The following KCNK6 variants were observed in gnomAD, a reference collection of about 807,000 sequenced individuals.
KCNK6 encodes the protein potassium two pore domain channel subfamily K member 6.
In KCNK6, 20 loss-of-function variants were observed where a neutral mutation model predicts 21.9. The observed-to-expected ratio is 0.91, with a 90% CI of 0.64 to 1.32. The LOEUF is 1.32. Among genes scored for constraint, KCNK6 ranks in the 40% most tolerant of loss-of-function variants. The pLI is 0.00. For synonymous variants in KCNK6, 210 were observed against 218.0 expected (o/e 0.96, Z 0.32); for missense variants, 415 against 433.1 (o/e 0.96, Z 0.37).
At position 38,327,336 on chromosome 19, in the gene KCNK6, C is replaced by T. The variant is rs1600427012; in HGVS notation, c.875C>T (p.Pro292Leu). The change falls in exon 3 of 3, where the codon CCC becomes CTC. Residue 292 changes from proline to leucine, a missense_variant. Transcript: ENST00000263372. ...DEDDRVDILG[P>L]QPESHQQLSA... ...GACGATCGGGTGGACATCCTGGGCC[C>T]CCAGCCGGAGTCGCACCAGCAACTC... 6.2e-7 allele frequency: 1 copy of T among 1,613,052 alleles called. No homozygotes were observed. Among genetic ancestry groups the T allele is most frequent in the Non-Finnish European group, 8.5e-7 (1 of 1,180,022 alleles).
rs138357652 is a variant in KCNK6 at position 38,326,767 on chromosome 19, G to C, written c.497G>C (p.Arg166Pro). Residue 166 changes from arginine to proline, a missense_variant, in exon 2 of 3, where the codon CGG becomes CCG. Physicochemically the swap from Arg to Pro is moderately radical, Grantham distance 103. Coordinates refer to ENST00000263372, the MANE Select transcript of KCNK6 (RefSeq NM_004823.3). The part of the protein sequence containing the change: ...WLSMRWGWDP[R>P]RAACWHLVAL... ...AGCATGCGTTGGGGCTGGGACCCCCGGCGGGCGGCCTGCTGGCACTTGGTG... is the reference window on the plus strand; with the variant it reads ...AGCATGCGTTGGGGCTGGGACCCCCCGCGGGCGGCCTGCTGGCACTTGGTG... The C allele has an allele frequency of 8.7e-5, 139 of 1,604,326 alleles. No individual in the cohort carries two copies. The African/African-American group carries it at 1.8e-3, about 20-fold the overall frequency.
rs112383488 is a variant in KCNK6 at position 38,329,238 on chromosome 19, A to AAAAG, written c.*1847_*1850dup. ...CAGCAAGACTCCGTCTCAAAAAAAA[A>AAAAG]AAAGAAAGAAAGAAAAGAAAAGAAG... is the stretch of plus-strand genomic sequence containing the variant. On this transcript the variant is annotated 3_prime_UTR_variant, in exon 3 of 3. Transcript: ENST00000263372. 0.16 allele frequency: 23,965 copies of AAAAG among 148,638 alleles called. 2,249 individuals are homozygous for AAAAG. Among genetic ancestry groups the AAAAG allele is most frequent in the South Asian group, 0.25 (1,179 of 4,706 alleles). The allele number at this position is 148,638 out of a possible 1,614,324, so 9.2% of individuals were successfully genotyped here. A position where few individuals can be genotyped will look rare whatever the true frequency, so the allele number is the denominator to read the frequency against.
rs1352441235 is a variant in KCNK6 at position 38,325,503 on chromosome 19, TG to T, written c.323-1089del. On this transcript the variant is annotated intron_variant, in intron 1 of 2. Transcript: ENST00000263372. ...CTTCATTCTTTGTTTTGAGAAGTAC[TG>T]ATCGAGCGCCCACAGCAGTGATGAA... 5 of 985,492 alleles carry T rather than the reference TG, an allele frequency of 5.1e-6. No homozygotes were observed. The East Asian group carries it at 5.7e-4, about 112-fold the overall frequency. The allele number at this position is 985,492 out of a possible 1,614,324, so 61.0% of individuals were successfully genotyped here.
intron 1 of KCNK6, among the ~76,000 whole-genome samples, chr19:38,321,452 A>G (rs1969651039): frequency 6.6e-6 from 1 of 152,222 alleles, no homozygotes; most frequent in Admixed American, 6.5e-5. Flanking sequence ...GGGACTCCCA[A>G]TTCAGCAGCC....
chr19:38,325,275 C>T, intron 1 of KCNK6: 3 of 315,436 alleles, frequency 9.5e-6, no homozygotes, highest in Non-Finnish European at 1.4e-5. Flanking sequence ...AGCCACCATG[C>T]CCGGCTAATT....
chr19:38,327,815 A>C lies in KCNK6; in HGVS notation c.*412A>C. 1 of 234,852 alleles carries C rather than the reference A, an allele frequency of 4.3e-6. No homozygotes were observed. The highest frequency in any genetic ancestry group is 8.6e-6 in the Non-Finnish European group (1 of 116,726). The allele number at this position is 234,852 out of a possible 1,614,324, so 14.5% of individuals were successfully genotyped here. On this transcript the variant is annotated 3_prime_UTR_variant, in exon 3 of 3. Coordinates refer to ENST00000263372, the MANE Select transcript of KCNK6 (RefSeq NM_004823.3). ...GCTCAGACCTCATTTCAGGCACCAG[A>C]TTGGTCGCTACACCCTGGACAAGTG...
rs1272220591 is a variant in KCNK6 at position 38,328,368 on chromosome 19, C to G, written c.*965C>G. 1 of 152,214 alleles carries G rather than the reference C, an allele frequency of 6.6e-6. No individual in the cohort carries two copies. Among genetic ancestry groups the G allele is most frequent in the Admixed American group, 6.5e-5 (1 of 15,276 alleles). The allele number at this position is 152,214 out of a possible 1,614,324, so 9.4% of individuals were successfully genotyped here. A position where few individuals can be genotyped will look rare whatever the true frequency, so the allele number is the denominator to read the frequency against. ...GATCTGAATGGCATGGGAGGTGCTG[C>G]CCTTAACCATGACACCATTGTAAGA... On this transcript the variant is annotated 3_prime_UTR_variant, in exon 3 of 3. Coordinates refer to ENST00000263372, the MANE Select transcript of KCNK6 (RefSeq NM_004823.3).
At position 38,320,241 on chromosome 19, in the gene KCNK6, C is replaced by A; in HGVS notation, c.291C>A (p.Leu97=). The stretch of plus-strand genomic sequence containing the variant: ...CCGCCTGGGACTTCGCCTCTGCTCT[C>A]TTCTTCGCCAGCACGCTGATCACCA... ...SDPAWDFASA[L]FFASTLITTV... Residue 97 remains leucine (L), a synonymous_variant, in exon 1 of 3, where the codon CTC becomes CTA. Transcript: ENST00000263372. The A allele has an allele frequency of 6.2e-7, 1 of 1,606,272 alleles. No individual in the cohort carries two copies. Among genetic ancestry groups the A allele is most frequent in the South Asian group, 1.1e-5 (1 of 91,080 alleles).
At chr19:38,323,806 G>T (rs1342383695) in intron 1 of KCNK6, among the ~76,000 whole-genome samples, 1 of 152,030 alleles carries the variant, frequency 6.6e-6, no homozygotes, top group Non-Finnish European at 1.5e-5. Flanking sequence ...GCTCAGGCTG[G>T]TCTCAAACTA....
At chr19:38,324,720 T>C (rs1969688486) in intron 1 of KCNK6, among the ~76,000 whole-genome samples, 1 of 152,180 alleles carries the variant, frequency 6.6e-6, no homozygotes, top group Admixed American at 6.5e-5. Flanking sequence ...TGTATCCAGC[T>C]AAAACCCAGG....
rs1022161809 is a variant in KCNK6 at position 38,330,348 on chromosome 19, G to C, written c.*2945G>C. ...CTCAAAAAAAAAAAAAAAGTCATAGGGGCTGGGCATAGTGGCTCTCACCTA... is the reference window on the plus strand; with the variant it reads ...CTCAAAAAAAAAAAAAAAGTCATAGCGGCTGGGCATAGTGGCTCTCACCTA... On this transcript the variant is annotated 3_prime_UTR_variant, in exon 3 of 3. Coordinates refer to ENST00000263372, the MANE Select transcript of KCNK6 (RefSeq NM_004823.3). The C allele has an allele frequency of 2.0e-5, 3 of 151,476 alleles. No individual in the cohort carries two copies. Among genetic ancestry groups the C allele is most frequent in the African/African-American group, 7.3e-5 (3 of 41,230 alleles). The allele number at this position is 151,476 out of a possible 1,614,324, so 9.4% of individuals were successfully genotyped here. A position where few individuals can be genotyped will look rare whatever the true frequency, so the allele number is the denominator to read the frequency against.
chr19:38,321,431 C>T (rs539903730), intron 1 of KCNK6, among the ~76,000 whole-genome samples: 1 of 152,370 alleles, frequency 6.6e-6, no homozygotes, highest in Non-Finnish European at 1.5e-5. Flanking sequence ...CCACCTGTTC[C>T]CTCTGGACCT....
chr19:38,323,045 G>A (rs953131362), intron 1 of KCNK6, among the ~76,000 whole-genome samples: 13 of 152,072 alleles, frequency 8.5e-5, no homozygotes, highest in Admixed American at 6.5e-5. Context: ...CCTGGGAGGC[G>A]GAGGTTGCAG....
At position 38,326,964 on chromosome 19, in the gene KCNK6, G is replaced by A. The variant is rs778792589; in HGVS notation, c.694G>A (p.Ala232Thr). Residue 232 changes from alanine (A) to threonine (T), a missense_variant, in exon 2 of 3, where the codon GCC becomes ACC. Transcript: ENST00000263372. ...PGEAPGQPYR[A>T]LYKVLVTVYL... ...GGAGGCCCCTGGCCAGCCCTACCGGGCCCTCTACAAGGTGCTGGTCACAGG... is the reference window on the plus strand; with the variant it reads ...GGAGGCCCCTGGCCAGCCCTACCGGACCCTCTACAAGGTGCTGGTCACAGG... 9 of 1,604,348 alleles carry A rather than the reference G, an allele frequency of 5.6e-6. No individual in the cohort carries two copies. Among genetic ancestry groups the A allele is most frequent in the African/African-American group, 4.0e-5 (3 of 74,862 alleles).
intron 1 of KCNK6, among the ~76,000 whole-genome samples, chr19:38,324,757 G>T (rs1969689171): frequency 6.6e-6 from 1 of 151,732 alleles, no homozygotes; most frequent in Non-Finnish European, 1.5e-5. Context: ...TATTATTATT[G>T]TTATTATTTT....
rs1269196556 is a variant in KCNK6, at chr19:38,330,999, C to T, written c.*3596C>T. The T allele has an allele frequency of 1.3e-5, 2 of 152,322 alleles. No homozygotes were observed. Among genetic ancestry groups the T allele is most frequent in the Admixed American group, 1.3e-4 (2 of 15,290 alleles). The allele number at this position is 152,322 out of a possible 1,614,324, so 9.4% of individuals were successfully genotyped here. A position where few individuals can be genotyped will look rare whatever the true frequency, so the allele number is the denominator to read the frequency against. On this transcript the variant is annotated 3_prime_UTR_variant, in exon 3 of 3. Transcript: ENST00000263372. ...TTCTCACTGTTTCTCCTTCCAAATACCTCCAGGAAGAAAAGCAAGTCCTTT... is the reference window on the plus strand; with the variant it reads ...TTCTCACTGTTTCTCCTTCCAAATATCTCCAGGAAGAAAAGCAAGTCCTTT...
In KCNK6 at chr19:38,329,015, G is replaced by A. The variant is rs562182642; in HGVS notation, c.*1612G>A. On this transcript the variant is annotated 3_prime_UTR_variant, in exon 3 of 3. Coordinates refer to ENST00000263372, the MANE Select transcript of KCNK6 (RefSeq NM_004823.3). ...GAAAGAAAAGTAAGAAAGAAAAAAA[G>A]AAAAAGAAAGAAAGTAAGTCCTGGC... 1.4e-4 allele frequency: 20 copies of A among 143,498 alleles called. No homozygotes were observed. The highest frequency in any genetic ancestry group is 4.6e-4 in the African/African-American group (18 of 39,522). The allele number at this position is 143,498 out of a possible 1,614,324, so 8.9% of individuals were successfully genotyped here. A position where few individuals can be genotyped will look rare whatever the true frequency, so the allele number is the denominator to read the frequency against.
Position 38,331,058 on chromosome 19 carries a change from G to A in KCNK6, c.*3655G>A, listed in dbSNP as rs951501141. On this transcript the variant is annotated 3_prime_UTR_variant, in exon 3 of 3. Transcript: ENST00000263372. ...AGACATTAAAAAAGCCAGGCTCAGC[G>A]GCTCATGCCTGTAATCCCAACACTT... 6.6e-6 allele frequency: 1 copy of A among 152,256 alleles called. No homozygotes were observed. Among genetic ancestry groups the A allele is most frequent in the African/African-American group, 2.4e-5 (1 of 41,462 alleles). The allele number at this position is 152,256 out of a possible 1,614,324, so 9.4% of individuals were successfully genotyped here. A position where few individuals can be genotyped will look rare whatever the true frequency, so the allele number is the denominator to read the frequency against.
At chr19:38,321,613 G>C (rs550419372) in intron 1 of KCNK6, among the ~76,000 whole-genome samples, 174 of 152,350 alleles carry the variant, frequency 1.1e-3, no homozygotes, top group Non-Finnish European at 1.9e-3. Context: ...TTGTTTCTTT[G>C]TTGGGGATTT....
Sources: allele counts gnomAD v4.1 joint callset (sites outside exome capture counted in the v4.1 genomes callset), GRCh38; gene constraint gnomAD v4.1.1; transcripts MANE v1.5; gene names NCBI Gene and HGNC (gene_info 2026-07-23, HGNC 2026-07-21).